SOCS5: variants seen among roughly 807,000 people sequenced by gnomAD.
The protein encoded by SOCS5 is CIS-6.
Under a neutral mutation model 42.8 loss-of-function variants are expected in SOCS5, and 32 were observed. The ratio of observed to expected loss-of-function variants is 0.75; its 90% CI spans 0.56 to 1.01. The LOEUF is 1.01. Ranked by LOEUF, SOCS5 falls within the 50% of genes least tolerant of loss-of-function variation. The probability of loss-of-function intolerance (pLI) is 0.00; values close to 1 mark genes in which losing one functional copy is unlikely to be tolerated. For missense variants in SOCS5, 627 were observed against 653.0 expected, an observed-to-expected ratio of 0.96 and a Z score of 0.43; for synonymous variants, 283 against 229.6, an observed-to-expected ratio of 1.23 and a Z score of -2.10.
intron 1 of SOCS5, among the ~76,000 whole-genome samples, chr2:46,725,117 C>G (rs1229882463): frequency 6.6e-6 from 1 of 151,856 alleles, no homozygotes; most frequent in Non-Finnish European, 1.5e-5. Flanking sequence ...TGTTGTGGCT[C>G]TTTTTATTCC....
intron 1 of SOCS5, among the ~76,000 whole-genome samples, chr2:46,735,855 A>G (rs757623509): frequency 8.6e-4 from 131 of 152,290 alleles, no homozygotes; most frequent in South Asian, 2.5e-3. Flanking sequence ...GACACAGTCA[A>G]TAGTAGAGGG....
At chr2:46,715,555 G>C (rs1436343715) in intron 1 of SOCS5, among the ~76,000 whole-genome samples, 1 of 151,822 alleles carries the variant, frequency 6.6e-6, no homozygotes, top group African/African-American at 2.4e-5. Flanking sequence ...TTTCACTTTT[G>C]AAAGTTGTTG....
At position 46,761,368 on chromosome 2, in the gene SOCS5, C is replaced by T. The variant is rs1050149587; in HGVS notation, c.*1227C>T. The T allele has an allele frequency of 6.0e-5, 10 of 167,110 alleles. No homozygotes were observed. Among genetic ancestry groups the T allele is most frequent in the African/African-American group, 2.2e-4 (9 of 41,448 alleles). The allele number at this position is 167,110 out of a possible 1,614,324, so 10.4% of individuals were successfully genotyped here. On this transcript the variant is annotated 3_prime_UTR_variant, in exon 2 of 2. Coordinates refer to ENST00000394861, the MANE Select transcript of SOCS5 (RefSeq NM_144949.3). The stretch of plus-strand genomic sequence containing the variant: ...TCCTAGACATTTTGCACTAAAGTAG[C>T]CGAATCCACTCTCATGTCTTTTCGT...
rs1422150451 is a variant in SOCS5 at position 46,760,539 on chromosome 2, C to CTA, written c.*401_*402dup. On this transcript the variant is annotated 3_prime_UTR_variant, in exon 2 of 2. Transcript: ENST00000394861. ...GAAATTATTTTTTCTAAGAGTTTTT[C>CTA]TATAACCTTCCAAAAGTCGTGATGT... is the stretch of plus-strand genomic sequence containing the variant. 1 of 175,646 alleles carries CTA rather than the reference C, an allele frequency of 5.7e-6. No homozygotes were observed. The highest frequency in any genetic ancestry group is 6.0e-5 in the Admixed American group (1 of 16,568). 10.9% of individuals were successfully genotyped at this position (175,646 alleles called of 1,614,324 possible). A position where few individuals can be genotyped will look rare whatever the true frequency, so the allele number is the denominator to read the frequency against.
At position 46,699,603 on chromosome 2, in the gene SOCS5, T is replaced by C. The variant is rs1468507673; in HGVS notation, c.-13+154T>C. The stretch of plus-strand genomic sequence containing the variant: ...CCGCGGCGGAGGCAGCGCCGGCCTC[T>C]GGCTGGGATGGGCTGGCCGGGAAAA... On this transcript the variant is annotated intron_variant, in intron 1 of 1. Coordinates refer to ENST00000394861, the MANE Select transcript of SOCS5 (RefSeq NM_144949.3). The surrounding 1 kb of genome is among the most constrained non-coding windows in gnomAD (Gnocchi z 4.8). Among the ~76,000 whole-genome samples the C allele has an allele frequency of 6.6e-6, 1 of 152,120 alleles. No individual in the cohort carries two copies. Among genetic ancestry groups the C allele is most frequent in the South Asian group, 2.1e-4 (1 of 4,810 alleles).
At chr2:46,702,963 A>G (rs41363950) in intron 1 of SOCS5, among the ~76,000 whole-genome samples, 31,904 of 152,054 alleles carry the variant, frequency 0.21, 3,813 homozygotes, top group East Asian at 0.45. Flanking sequence ...TTTGATTCTC[A>G]TGCATCTTTG....
At chr2:46,723,163 G>A (rs537325038) in intron 1 of SOCS5, among the ~76,000 whole-genome samples, 76 of 152,162 alleles carry the variant, frequency 5.0e-4, no homozygotes, top group Non-Finnish European at 9.4e-4. Flanking sequence ...ATTTGGTGAA[G>A]TCCAGTTCAT....
chr2:46,708,042 G>T (rs1226720630), intron 1 of SOCS5, among the ~76,000 whole-genome samples: 1 of 152,222 alleles, frequency 6.6e-6, no homozygotes, highest in East Asian at 1.9e-4. Flanking sequence ...TAACCAAATT[G>T]TAAGTCAGAG....
At chr2:46,737,569 T>C (rs1262363648) in intron 1 of SOCS5, among the ~76,000 whole-genome samples, 1 of 152,210 alleles carries the variant, frequency 6.6e-6, no homozygotes, top group Non-Finnish European at 1.5e-5. Context: ...TGATTTGGGG[T>C]CTGTATTCTA....
rs978147963 is a variant in SOCS5, at chr2:46,699,637, A to T, written c.-13+188A>T. On this transcript the variant is annotated intron_variant, in intron 1 of 1. Transcript: ENST00000394861. This position sits in a 1 kb window ranked among gnomAD's most constrained non-coding sequence, Gnocchi z 4.8. ...TGGGCTGGCCGGGAAAAGGACTGCTAGCCCGGGCCGCGAGCCCCGTGCAGA... is the reference window on the plus strand; with the variant it reads ...TGGGCTGGCCGGGAAAAGGACTGCTTGCCCGGGCCGCGAGCCCCGTGCAGA... 1.3e-5 allele frequency among the ~76,000 whole-genome samples: 2 copies of T among 152,034 alleles called. No individual in the cohort carries two copies. Among genetic ancestry groups the T allele is most frequent in the African/African-American group, 4.8e-5 (2 of 41,416 alleles).
intron 1 of SOCS5, among the ~76,000 whole-genome samples, chr2:46,707,588 A>G (rs1039289702): frequency 1.3e-5 from 2 of 152,202 alleles, no homozygotes; most frequent in East Asian, 1.9e-4. Context: ...AGGGGAACAA[A>G]TTGTGAAGGG....
In SOCS5 at chr2:46,759,702, CAGA is replaced by C; in HGVS notation, c.1175_1177del (p.Glu392del). 1 of 1,614,096 alleles carries C rather than the reference CAGA, an allele frequency of 6.2e-7. No individual in the cohort carries two copies. The highest frequency in any genetic ancestry group is 8.5e-7 in the Non-Finnish European group (1 of 1,179,982). ...TGGGGAGTGATGGACCGTTATGAAGCAGAAGCCCTTCTCGAAGGGAAACCTGAA... is the reference window on the plus strand; with the variant it reads ...TGGGGAGTGATGGACCGTTATGAAGCAGCCCTTCTCGAAGGGAAACCTGAA... On this transcript the variant is annotated inframe_deletion, in exon 2 of 2. Coordinates refer to ENST00000394861, the MANE Select transcript of SOCS5 (RefSeq NM_144949.3).
At position 46,760,341 on chromosome 2, in the gene SOCS5, G is replaced by A. The variant is rs1673838218; in HGVS notation, c.*200G>A. 1.9e-6 allele frequency: 1 copy of A among 525,968 alleles called. No individual in the cohort carries two copies. Among genetic ancestry groups the A allele is most frequent in the South Asian group, 3.4e-5 (1 of 29,742 alleles). 32.6% of individuals were successfully genotyped at this position (525,968 alleles called of 1,614,324 possible). A position where few individuals can be genotyped will look rare whatever the true frequency, so the allele number is the denominator to read the frequency against. ...GGAACAATAGCGGATAGAGCTACAGGTGTTCAGTAAGACTACAAAAACATT... is the reference window on the plus strand; with the variant it reads ...GGAACAATAGCGGATAGAGCTACAGATGTTCAGTAAGACTACAAAAACATT... On this transcript the variant is annotated 3_prime_UTR_variant, in exon 2 of 2. Coordinates refer to ENST00000394861, the MANE Select transcript of SOCS5 (RefSeq NM_144949.3).
At chr2:46,755,402 T>TA (rs1673710680) in intron 1 of SOCS5, among the ~76,000 whole-genome samples, 1 of 152,212 alleles carries the variant, frequency 6.6e-6, no homozygotes, top group Non-Finnish European at 1.5e-5. Flanking sequence ...ATTTCATTTT[T>TA]ATATATGTAA....
chr2:46,756,795 C>G (rs1478472572), intron 1 of SOCS5, among the ~76,000 whole-genome samples: 1 of 152,036 alleles, frequency 6.6e-6, no homozygotes, highest in African/African-American at 2.4e-5. Context: ...ACTGTATTAA[C>G]AGGACTATGG....
chr2:46,730,735 G>A (rs1276252108), intron 1 of SOCS5, among the ~76,000 whole-genome samples: 1 of 152,164 alleles, frequency 6.6e-6, no homozygotes, highest in Non-Finnish European at 1.5e-5. Context: ...TAATTGATGG[G>A]AAAAAATCTA....
intron 1 of SOCS5, among the ~76,000 whole-genome samples, chr2:46,728,282 C>T (rs1465303854): frequency 6.6e-6 from 1 of 152,128 alleles, no homozygotes; most frequent in Non-Finnish European, 1.5e-5. Context: ...TCCAAGCATT[C>T]TGGGGTTTTA....
At chr2:46,757,332 C>G (rs1293032467) in intron 1 of SOCS5, among the ~76,000 whole-genome samples, 1 of 152,178 alleles carries the variant, frequency 6.6e-6, no homozygotes, top group Non-Finnish European at 1.5e-5. Context: ...TCCATTTCTT[C>G]TAATGTTGAC....
intron 1 of SOCS5, among the ~76,000 whole-genome samples, chr2:46,703,645 A>G (rs1420489531): frequency 6.6e-6 from 1 of 152,190 alleles, no homozygotes; most frequent in Non-Finnish European, 1.5e-5. Flanking sequence ...TATACATTTA[A>G]AGATAATTAT....
Sources: gnomAD v4.1 joint callset for allele counts (sites outside exome capture counted in the v4.1 genomes callset) on GRCh38, gnomAD v4.1.1 for gene constraint, Gnocchi (gnomAD v3.1) non-coding constraint, MANE v1.5 for transcripts, NCBI Gene and HGNC (gene_info 2026-07-23, HGNC 2026-07-21) for gene names.